ATG3: variants seen among roughly 807,000 people sequenced by gnomAD.
ATG3 encodes the protein autophagy related 3.
A neutral mutation model predicts 50.7 loss-of-function variants in ATG3; 25 were observed. The observed-to-expected ratio is 0.49, with a 90% CI of 0.36 to 0.69. ATG3 has a LOEUF of 0.69. ATG3 is among the 30% of genes least tolerant of loss of function. The pLI, the probability that ATG3 is intolerant of heterozygous loss-of-function variation, is 0.00. For missense variants in ATG3, 281 were observed against 376.0 expected (o/e 0.75, Z 2.09); for synonymous variants, 119 against 125.5 (o/e 0.95, Z 0.34).
intron 10 of ATG3, 49 bp from the exon 11 acceptor site, chr3:112,534,386 AAAG>A (rs138522909): frequency 0.082 from 116,296 of 1,414,246 alleles, 5,749 homozygotes; most frequent in Non-Finnish European, 0.096. Flanking sequence ...GATTAGACCG[AAAG>A]AAGAAAAACA....
intron 7 of ATG3, 86 bp from the exon 8 acceptor site, chr3:112,538,266 A>G: frequency 9.5e-7 from 1 of 1,054,320 alleles, no homozygotes; most frequent in East Asian, 2.6e-5. Flanking sequence ...TCATAGTATC[A>G]TTCAAAAACT....
chr3:112,553,333 T>C lies in ATG3; in HGVS notation c.115-4A>G. On this transcript the variant is annotated splice_region_variant and splice_polypyrimidine_tract_variant and intron_variant, in intron 2 of 11. Transcript: ENST00000283290. ...GGTGATCTCCAGCTGCCACAAACTA[T>C]TCAGGATTTAAAAGTAATATGAAAA... 2.5e-6 allele frequency: 4 copies of C among 1,611,522 alleles called. No individual in the cohort carries two copies. The highest frequency in any genetic ancestry group is 3.4e-6 in the Non-Finnish European group (4 of 1,177,682).
Position 112,532,744 on chromosome 3 carries a change from G to A in ATG3, c.900C>T (p.Val300=), listed in dbSNP as rs1203548319. The A allele has an allele frequency of 6.3e-7, 1 of 1,599,600 alleles. No individual in the cohort carries two copies. The change falls in exon 12 of 12, where the codon GTC becomes GTT. Residue 300 remains valine (V), a synonymous_variant. Transcript: ENST00000283290. ...LLIFLKFVQA[V]IPTIEYDYTR... Reference sequence around the variant, plus strand: ...TGTAGTCATATTCTATTGTTGGAATGACAGCTTGTACAAATTTCAAGAAAA... The same window carrying A: ...TGTAGTCATATTCTATTGTTGGAATAACAGCTTGTACAAATTTCAAGAAAA...
intron 6 of ATG3, 47 bp downstream of exon 6, chr3:112,544,010 C>A: frequency 1.4e-6 from 2 of 1,392,022 alleles, no homozygotes; most frequent in African/African-American, 1.4e-5. Context: ...GATAGATAGG[C>A]AAATAACTAC....
chr3:112,537,061 T>C (rs1036248130), intron 9 of ATG3, among the ~76,000 whole-genome samples: 1 of 151,954 alleles, frequency 6.6e-6, no homozygotes, highest in Non-Finnish European at 1.5e-5. Flanking sequence ...CTAGACTGTT[T>C]AGAATGATTT....
At chr3:112,552,292 C>T (rs1359321429) in intron 3 of ATG3, among the ~76,000 whole-genome samples, 4 of 151,872 alleles carry the variant, frequency 2.6e-5, no homozygotes, top group Non-Finnish European at 4.4e-5. Context: ...GAGTCTTTAT[C>T]GTGAGTACTT....
chr3:112,550,470 A>G (rs1933498627), intron 3 of ATG3, among the ~76,000 whole-genome samples: 1 of 152,214 alleles, frequency 6.6e-6, no homozygotes, highest in Admixed American at 6.5e-5. Flanking sequence ...ACATACTAAG[A>G]GATGCAGATA....
chr3:112,541,066 G>C (rs1933211064), intron 7 of ATG3, among the ~76,000 whole-genome samples: 1 of 152,114 alleles, frequency 6.6e-6, no homozygotes, highest in East Asian at 1.9e-4. Flanking sequence ...TCAGAATCTT[G>C]GGAAACTGAT....
intron 4 of ATG3, among the ~76,000 whole-genome samples, chr3:112,549,794 CAA>C (rs1559846833): frequency 1.3e-3 from 27 of 21,486 alleles, no homozygotes; most frequent in African/African-American, 6.1e-3. Flanking sequence ...TGTCTCAAAA[CAA>C]CCAAAAAAAA....
chr3:112,556,325 G>A (rs1206053423), intron 2 of ATG3, among the ~76,000 whole-genome samples: 1 of 151,418 alleles, frequency 6.6e-6, no homozygotes, highest in Non-Finnish European at 1.5e-5. Context: ...GAAGTGAGGA[G>A]CCCCTCTGCC....
intron 5 of ATG3, among the ~76,000 whole-genome samples, chr3:112,544,828 T>G (rs951386286): frequency 6.6e-6 from 1 of 152,078 alleles, no homozygotes; most frequent in Non-Finnish European, 1.5e-5. Flanking sequence ...TTTTTTTAGA[T>G]TTTGGAATAT....
intron 5 of ATG3, among the ~76,000 whole-genome samples, chr3:112,547,349 G>T (rs1037166489): frequency 3.3e-5 from 5 of 151,418 alleles, no homozygotes; most frequent in Non-Finnish European, 5.9e-5. Flanking sequence ...AACATATTTA[G>T]TATCATGGAC....
At chr3:112,539,931 C>A (rs945128006) in intron 7 of ATG3, among the ~76,000 whole-genome samples, 4 of 152,202 alleles carry the variant, frequency 2.6e-5, no homozygotes, top group Admixed American at 1.3e-4. Context: ...CCCACCACCC[C>A]AACTTGGTCA....
At chr3:112,543,347 CT>C (rs964422688) in intron 6 of ATG3, among the ~76,000 whole-genome samples, 1 of 152,012 alleles carries the variant, frequency 6.6e-6, no homozygotes, top group Non-Finnish European at 1.5e-5. Context: ...GTTGATCTCT[CT>C]GAGAAATGAA....
intron 5 of ATG3, among the ~76,000 whole-genome samples, chr3:112,547,976 G>A (rs1053401741): frequency 2.0e-5 from 3 of 152,118 alleles, no homozygotes; most frequent in Non-Finnish European, 2.9e-5. Context: ...CATCTCTGAC[G>A]GTCTTTTTTT....
intron 3 of ATG3, 139 bp downstream of exon 3, chr3:112,553,141 T>C (rs1003756082): frequency 4.7e-5 from 33 of 698,610 alleles, no homozygotes; most frequent in Admixed American, 1.5e-4. Context: ...TGAAGGGGCA[T>C]TGTTTAACAG....
intron 1 of ATG3, among the ~76,000 whole-genome samples, chr3:112,559,942 C>T (rs1933799664): frequency 6.6e-6 from 1 of 152,168 alleles, no homozygotes; most frequent in African/African-American, 2.4e-5. Context: ...CCTTGCCCTC[C>T]CTAAGCAGGA....
intron 5 of ATG3, among the ~76,000 whole-genome samples, chr3:112,544,428 G>A (rs760510417): frequency 1.3e-5 from 2 of 152,072 alleles, no homozygotes; most frequent in Non-Finnish European, 2.9e-5. Flanking sequence ...AGCTGGGGCG[G>A]GTGGATCATC....
chr3:112,536,080 A>G (rs539093806), intron 10 of ATG3: 1 of 169,416 alleles, frequency 5.9e-6, no homozygotes, highest in South Asian at 1.5e-4. Context: ...TAGAAAAATC[A>G]CAAGGTTAAC....
Sources: allele counts gnomAD v4.1 joint callset (sites outside exome capture counted in the v4.1 genomes callset), GRCh38; gene constraint gnomAD v4.1.1; transcripts MANE v1.5; gene names NCBI Gene and HGNC (gene_info 2026-07-23, HGNC 2026-07-21).